The following FBXW7 variants were observed in gnomAD, a reference collection of about 807,000 sequenced individuals.
FBXW7 encodes F-box/WD repeat-containing protein 7.
A neutral mutation model predicts 86.3 loss-of-function variants in FBXW7; 11 were observed. The observed-to-expected ratio is 0.13, with a 90% CI of 0.08 to 0.21. The LOEUF (loss-of-function observed/expected upper bound fraction) is 0.21. FBXW7 is among the 10% of genes least tolerant of loss of function. The probability of loss-of-function intolerance (pLI) is 1.00; values close to 1 mark genes in which losing one functional copy is unlikely to be tolerated. For synonymous variants in FBXW7, 313 were observed against 297.9 expected (o/e 1.05, Z -0.52); for missense variants, 488 against 847.4 (o/e 0.58, Z 5.27).
intron 6 of FBXW7, among the ~76,000 whole-genome samples, chr4:152,345,048 GC>G (rs1321891290): frequency 6.6e-6 from 1 of 152,126 alleles, no homozygotes; most frequent in Non-Finnish European, 1.5e-5. Flanking sequence ...CACACTACAT[GC>G]ATGTGTTAGC....
chr4:152,497,836 G>A (rs201001881), intron 2 of FBXW7, among the ~76,000 whole-genome samples: 2 of 152,010 alleles, frequency 1.3e-5, no homozygotes, highest in Admixed American at 6.6e-5. Flanking sequence ...TTGCCAAAAG[G>A]TAGAACTGCA....
chr4:152,386,101 A>C (rs951363430), intron 4 of FBXW7, among the ~76,000 whole-genome samples: 1 of 152,114 alleles, frequency 6.6e-6, no homozygotes, highest in Non-Finnish European at 1.5e-5. Flanking sequence ...AGCTAATTCC[A>C]TGTGTTCAAG....
chr4:152,489,463 A>G (rs1194998565), intron 2 of FBXW7: 1 of 152,786 alleles, frequency 6.5e-6, no homozygotes, highest in Non-Finnish European at 1.5e-5. Context: ...CATACTCAGT[A>G]TAACTATATA....
At chr4:152,373,709 G>A (rs1734215098) in intron 4 of FBXW7, among the ~76,000 whole-genome samples, 1 of 151,984 alleles carries the variant, frequency 6.6e-6, no homozygotes. Context: ...AGCTCTGAGT[G>A]CCTCCTCATA....
intron 2 of FBXW7, among the ~76,000 whole-genome samples, chr4:152,414,053 G>C (rs1402397615): frequency 2.0e-5 from 3 of 152,080 alleles, no homozygotes; most frequent in African/African-American, 7.2e-5. Flanking sequence ...ACAAGCCTCT[G>C]GTCACAACAC....
chr4:152,448,916 TTC>T (rs1741657399), intron 2 of FBXW7, among the ~76,000 whole-genome samples: 2 of 152,146 alleles, frequency 1.3e-5, no homozygotes, highest in South Asian at 4.1e-4. Flanking sequence ...ACTAACCACT[TTC>T]TGTCTTCCAT....
chr4:152,329,669 T>C lies in FBXW7; in HGVS notation c.1236+3A>G, dbSNP rs766951018. ...TTGTGAAGTGTAGGAAGAGTAAACT[T>C]ACTTTGCCTGTGACTGCTGACCAAA... On this transcript the variant is annotated splice_donor_region_variant and intron_variant, in intron 10 of 13. Transcript: ENST00000281708. 1 of 1,539,074 alleles carries C rather than the reference T, an allele frequency of 6.5e-7. No homozygotes were observed. The highest frequency in any genetic ancestry group is 8.8e-7 in the Non-Finnish European group (1 of 1,139,820).
intron 2 of FBXW7, among the ~76,000 whole-genome samples, chr4:152,483,858 G>T (rs1008121913): frequency 6.6e-6 from 1 of 152,056 alleles, no homozygotes; most frequent in African/African-American, 2.4e-5. Context: ...CACCACTACA[G>T]TATAGCAAGC....
chr4:152,440,959 T>C (rs75199645), intron 2 of FBXW7, among the ~76,000 whole-genome samples: 2,034 of 152,136 alleles, frequency 0.013, 25 homozygotes, highest in Middle Eastern at 0.037. Flanking sequence ...TAACGTTCAC[T>C]AAGCGTCATG....
In FBXW7 at chr4:152,411,369, G is replaced by A. The variant is rs765857792; in HGVS notation, c.435C>T (p.Asn145=). Residue 145 remains asparagine (N), a synonymous_variant, in exon 4 of 14, where the codon AAC becomes AAT. Transcript: ENST00000281708. ...DEHTHTNSVT[N]SSSIVDLPVH... is the part of the protein sequence containing the mutation. ...CGGGCAGGTCCACAATACTACTGGA[G>A]TTCGTGACACTGTTAGTATGTGTAT... The A allele has an allele frequency of 8.7e-6, 14 of 1,613,590 alleles. 1 individual carries two copies. Among genetic ancestry groups the A allele is most frequent in the Middle Eastern group, 1.7e-4 (1 of 6,056 alleles).
At chr4:152,397,948 A>C (rs543827029) in intron 4 of FBXW7, among the ~76,000 whole-genome samples, 57 of 152,068 alleles carry the variant, frequency 3.7e-4, no homozygotes, top group Non-Finnish European at 7.1e-4. Context: ...ATACTTGAGA[A>C]ATTTTCTAAA....
chr4:152,374,370 A>G (rs144224617), intron 4 of FBXW7, among the ~76,000 whole-genome samples: 51 of 152,224 alleles, frequency 3.4e-4, no homozygotes, highest in Non-Finnish European at 6.2e-4. Context: ...CATTTTCAAA[A>G]TTAGTACATA....
At chr4:152,529,815 G>C (rs1039041140) in intron 2 of FBXW7, among the ~76,000 whole-genome samples, 3 of 151,800 alleles carry the variant, frequency 2.0e-5, no homozygotes, top group African/African-American at 7.3e-5. Context: ...TACCTGGTGG[G>C]TGCTAAAACA....
At chr4:152,372,318 G>A (rs1734076690) in intron 4 of FBXW7, among the ~76,000 whole-genome samples, 1 of 151,944 alleles carries the variant, frequency 6.6e-6, no homozygotes, top group Admixed American at 6.6e-5. Flanking sequence ...GTGGGTGACA[G>A]TTGTAAAACT....
chr4:152,522,787 T>G (rs976083092), intron 2 of FBXW7, among the ~76,000 whole-genome samples: 1 of 152,182 alleles, frequency 6.6e-6, no homozygotes, highest in South Asian at 2.1e-4. Context: ...AACCATGAGG[T>G]GGGTAGATAT....
intron 2 of FBXW7, among the ~76,000 whole-genome samples, chr4:152,492,954 C>T (rs1348053669): frequency 6.6e-6 from 1 of 151,724 alleles, no homozygotes; most frequent in Admixed American, 6.6e-5. Context: ...AACAGGTATG[C>T]AGTTCCTTCA....
chr4:152,350,617 G>A (rs1245000011), intron 4 of FBXW7, among the ~76,000 whole-genome samples: 1 of 151,666 alleles, frequency 6.6e-6, no homozygotes, highest in Non-Finnish European at 1.5e-5. Flanking sequence ...TTATAAGAGG[G>A]TAAAGAGCAG....
intron 4 of FBXW7, chr4:152,411,045 C>T (rs911883684): frequency 4.2e-5 from 23 of 543,718 alleles, no homozygotes; most frequent in African/African-American, 3.3e-4. Context: ...AAGGTTTAGA[C>T]GAAAATTTGA....
At chr4:152,496,024 A>C (rs1481795029) in intron 2 of FBXW7, among the ~76,000 whole-genome samples, 1 of 152,114 alleles carries the variant, frequency 6.6e-6, no homozygotes, top group Non-Finnish European at 1.5e-5. Context: ...AAATAATTTT[A>C]AAATTGGTTG....
Sources: gnomAD v4.1 joint callset for allele counts (sites outside exome capture counted in the v4.1 genomes callset) on GRCh38, gnomAD v4.1.1 for gene constraint, MANE v1.5 for transcripts, NCBI Gene and HGNC (gene_info 2026-07-23, HGNC 2026-07-21) for gene names.